Variants in FBXO4 observed in about 807,000 individuals in gnomAD.
FBXO4 encodes F-box protein 4.
Under a neutral mutation model 43.7 loss-of-function variants are expected in FBXO4, and 36 were observed. The ratio of observed to expected loss-of-function variants is 0.82; its 90% CI spans 0.63 to 1.09. FBXO4 has a LOEUF of 1.09. FBXO4 is among the 50% of genes least tolerant of loss of function. The probability of loss-of-function intolerance (pLI) is 0.00; values close to 1 mark genes in which losing one functional copy is unlikely to be tolerated. For synonymous variants in FBXO4, 180 were observed against 165.6 expected (o/e 1.09, Z -0.67); for missense variants, 435 against 474.1 (o/e 0.92, Z 0.77).
chr5:41,955,689 G>A, the FBXO4 span, among the ~76,000 whole-genome samples: 1 of 152,202 alleles, frequency 6.6e-6, no homozygotes, highest in Non-Finnish European at 1.5e-5. Context: ...TAGCGAGTGA[G>A]CCAGTTCCAG....
chr5:41,993,617 G>GTATATATATATATATA, the FBXO4 span, among the ~76,000 whole-genome samples: 1 of 93,278 alleles, frequency 1.1e-5, no homozygotes, highest in African/African-American at 6.2e-5. Flanking sequence ...AGAACTAATA[G>GTATATATATATATATA]GATATATATA....
Position 41,939,608 on chromosome 5 carries a change from C to T in FBXO4, c.1066C>T (p.Pro356Ser), listed in dbSNP as rs756204103. ...HELHLNLLNHPWLVQDTEAET... is the reference protein window; with the variant it reads ...HELHLNLLNHSWLVQDTEAET... ...GCTGCATCTGAATCTTCTAAATCAC[C>T]CATGGCTGGTAAGATCATTTATACT... is the stretch of plus-strand genomic sequence containing the variant. The change falls in exon 6 of 7, where the codon CCA becomes TCA. Residue 356 changes from proline to serine, a missense_variant. By Grantham distance (74) the Pro-to-Ser change is moderately conservative. Transcript: ENST00000281623. 31 of 1,611,118 alleles carry T rather than the reference C, an allele frequency of 1.9e-5. No individual in the cohort carries two copies. The highest frequency in any genetic ancestry group is 2.6e-5 in the Non-Finnish European group (31 of 1,178,560).
the FBXO4 span, among the ~76,000 whole-genome samples, chr5:41,966,504 T>G: frequency 7.2e-5 from 11 of 152,070 alleles, no homozygotes; most frequent in Non-Finnish European, 1.5e-4. Context: ...GTAACATACA[T>G]AAAATGAGGA....
chr5:41,930,933 G>C (rs750196391), intron 3 of FBXO4, among the ~76,000 whole-genome samples: 10 of 152,218 alleles, frequency 6.6e-5, no homozygotes, highest in Non-Finnish European at 1.2e-4. Flanking sequence ...TGGGATTACA[G>C]GCGTGAGCCA....
the FBXO4 span, among the ~76,000 whole-genome samples, chr5:42,014,054 C>A: frequency 1.3e-5 from 2 of 152,144 alleles, no homozygotes; most frequent in African/African-American, 4.8e-5. Flanking sequence ...AGACTGCCAA[C>A]ATTTTAGAAA....
At chr5:41,930,549 G>A (rs1215719198) in intron 3 of FBXO4, among the ~76,000 whole-genome samples, 1 of 152,172 alleles carries the variant, frequency 6.6e-6, no homozygotes, top group Non-Finnish European at 1.5e-5. Flanking sequence ...GGTCAAAGAA[G>A]GCTCCATATT....
At chr5:41,992,227 T>C in the FBXO4 span, among the ~76,000 whole-genome samples, 8 of 152,324 alleles carry the variant, frequency 5.3e-5, no homozygotes, top group South Asian at 2.1e-4. Context: ...TACTAGTTGG[T>C]TTATTAAAAC....
chr5:42,010,643 T>A, the FBXO4 span, among the ~76,000 whole-genome samples: 1 of 152,342 alleles, frequency 6.6e-6, no homozygotes, highest in South Asian at 2.1e-4. Flanking sequence ...TTGTAAATAA[T>A]GGTGCTATGA....
At chr5:41,937,277 G>GA (rs1019852504) in intron 5 of FBXO4, among the ~76,000 whole-genome samples, 1 of 152,082 alleles carries the variant, frequency 6.6e-6, no homozygotes, top group Non-Finnish European at 1.5e-5. Flanking sequence ...AACGCAGCCA[G>GA]AAAAAATGAA....
At chr5:42,024,936 TTATC>T in the FBXO4 span, among the ~76,000 whole-genome samples, 3 of 152,100 alleles carry the variant, frequency 2.0e-5, no homozygotes, top group Non-Finnish European at 4.4e-5. Flanking sequence ...CACATTTTCT[TTATC>T]CATCCATCTG....
At chr5:41,993,879 T>C in the FBXO4 span, among the ~76,000 whole-genome samples, 2 of 152,138 alleles carry the variant, frequency 1.3e-5, no homozygotes, top group South Asian at 4.2e-4. Flanking sequence ...CTGCTTTATA[T>C]TGGCTGGCAG....
At chr5:41,961,710 G>A in the FBXO4 span, among the ~76,000 whole-genome samples, 1 of 152,204 alleles carries the variant, frequency 6.6e-6, no homozygotes, top group Admixed American at 6.5e-5. Flanking sequence ...GTGCTAACTA[G>A]CTCAATATGG....
the FBXO4 span, among the ~76,000 whole-genome samples, chr5:41,984,804 C>A: frequency 6.6e-6 from 1 of 152,176 alleles, no homozygotes; most frequent in Non-Finnish European, 1.5e-5. Flanking sequence ...AGCCACCCTG[C>A]CCAGCCTAGC....
At chr5:41,981,749 T>A in the FBXO4 span, among the ~76,000 whole-genome samples, 1 of 151,454 alleles carries the variant, frequency 6.6e-6, no homozygotes, top group Admixed American at 6.6e-5. Context: ...GCTTTTTTAA[T>A]ATACATATTT....
At chr5:41,968,057 G>A in the FBXO4 span, 3 of 372,456 alleles carry the variant, frequency 8.1e-6, no homozygotes, top group Non-Finnish European at 1.6e-5. Flanking sequence ...CACTGGGCCA[G>A]TTTCCTGACA....
At position 41,925,309 on chromosome 5, in the gene FBXO4, C is replaced by T. The variant is rs1452369138; in HGVS notation, c.-1C>T. 2 of 1,337,706 alleles carry T rather than the reference C, an allele frequency of 1.5e-6. No homozygotes were observed. The highest frequency in any genetic ancestry group is 1.9e-5 in the South Asian group (1 of 52,578). The allele number at this position is 1,337,706 out of a possible 1,614,324, so 82.9% of individuals were successfully genotyped here. A position where few individuals can be genotyped will look rare whatever the true frequency, so the allele number is the denominator to read the frequency against. ...CGCGTCACCCACGCTGCGGGCAAGCCATGGCGGGAAGCGAGCCGCGCAGCG... is the reference window on the plus strand; with the variant it reads ...CGCGTCACCCACGCTGCGGGCAAGCTATGGCGGGAAGCGAGCCGCGCAGCG... On this transcript the variant is annotated 5_prime_UTR_variant, in exon 1 of 7. Coordinates refer to ENST00000281623, the MANE Select transcript of FBXO4 (RefSeq NM_012176.3).
chr5:41,977,417 G>T, the FBXO4 span, among the ~76,000 whole-genome samples: 1 of 152,080 alleles, frequency 6.6e-6, no homozygotes, highest in African/African-American at 2.4e-5. Context: ...ATATCTGATT[G>T]CAGGCTGTTA....
chr5:41,972,395 G>T, the FBXO4 span, among the ~76,000 whole-genome samples: 1 of 152,094 alleles, frequency 6.6e-6, no homozygotes, highest in Non-Finnish European at 1.5e-5. Context: ...AACAAGGGAG[G>T]TGAAAGATTT....
At chr5:41,939,069 G>T (rs1751927897) in intron 5 of FBXO4, among the ~76,000 whole-genome samples, 1 of 152,200 alleles carries the variant, frequency 6.6e-6, no homozygotes, top group South Asian at 2.1e-4. Context: ...TTATGCAAGG[G>T]TTTGGAACAT....
Sources: allele counts gnomAD v4.1 joint callset (sites outside exome capture counted in the v4.1 genomes callset), GRCh38; gene constraint gnomAD v4.1.1; transcripts MANE v1.5; gene names NCBI Gene and HGNC (gene_info 2026-07-23, HGNC 2026-07-21).